ACSF3: variants seen among roughly 807,000 people sequenced by gnomAD.
ACSF3 encodes the protein malonate--CoA ligase ACSF3, mitochondrial.
ACSF3 carries 78 observed loss-of-function variants against 53.2 expected under a neutral mutation model. The ratio of observed to expected loss-of-function variants is 1.47; its 90% confidence interval spans 1.22 to 1.77. The LOEUF (loss-of-function observed/expected upper bound fraction) is 1.77, where lower values mean the gene tolerates loss of function less well. ACSF3 is among the 40% of genes most tolerant of loss of function. ACSF3 has a pLI of 0.00. For synonymous variants in ACSF3, 414 were observed against 333.1 expected, an observed-to-expected ratio of 1.24 and a Z score of -2.65; for missense variants, 937 against 771.1, an observed-to-expected ratio of 1.22 and a Z score of -2.55.
chr16:89,114,201 G>A lies in ACSF3; in HGVS notation c.978-138G>A, dbSNP rs1449376168. The A allele has an allele frequency of 1.2e-5, 14 of 1,167,858 alleles. No individual in the cohort carries two copies. In the African/African-American group the frequency reaches 1.2e-4, roughly 10 times the overall value. The allele number at this position is 1,167,858 out of a possible 1,614,324, so 72.3% of individuals were successfully genotyped here. ...TGTCGCACAGTGGTGCTGTACCCAC[G>A]GCCTGGGGCTCCTGCACTCGTGAAG... On this transcript the variant is annotated intron_variant, in intron 5 of 10. Coordinates refer to ENST00000614302, the MANE Select transcript of ACSF3 (RefSeq NM_001243279.3).
chr16:89,112,587 C>A (rs534700000), intron 5 of ACSF3, among the ~76,000 whole-genome samples: 1 of 151,984 alleles, frequency 6.6e-6, no homozygotes, highest in Non-Finnish European at 1.5e-5. Flanking sequence ...TCTTGTCAGA[C>A]TCTCCATCTC....
chr16:89,124,555 ATG>A (rs1382301158), intron 7 of ACSF3, among the ~76,000 whole-genome samples: 1 of 80,722 alleles, frequency 1.2e-5, no homozygotes, highest in Non-Finnish European at 3.3e-5. Context: ...CACTGTATGT[ATG>A]TGTGTGAGAT....
chr16:89,146,648 C>T (rs1913017279), intron 10 of ACSF3, among the ~76,000 whole-genome samples: 1 of 152,240 alleles, frequency 6.6e-6, no homozygotes, highest in South Asian at 2.1e-4. Context: ...ATTTCACTTT[C>T]CCCTCCATGT....
At position 89,145,979 on chromosome 16, in the gene ACSF3, C is replaced by T. The variant is rs563580010; in HGVS notation, c.1543C>T (p.Arg515Trp). The T allele has an allele frequency of 4.8e-5, 67 of 1,407,890 alleles. No individual in the cohort carries two copies. Among genetic ancestry groups the T allele is most frequent in the African/African-American group, 7.4e-5 (5 of 67,682 alleles). 87.2% of individuals were successfully genotyped at this position (1,407,890 alleles called of 1,614,324 possible). ...IGVPDMTWGQ[R>W]VTAVVTLREG... is the part of the protein sequence containing the mutation. ...AGTTCCGGATATGACATGGGGCCAG[C>T]GGGTCACTGCTGTGGTGACCCTCCG... Residue 515 changes from arginine (R) to tryptophan (W), a missense_variant, in exon 10 of 11, where the codon CGG (arginine) becomes TGG (tryptophan). Coordinates refer to ENST00000614302, the MANE Select transcript of ACSF3 (RefSeq NM_001243279.3).
rs773650798 is a variant in ACSF3, at chr16:89,109,229, C to CA, written c.823-2842dup. On this transcript the variant is annotated intron_variant, in intron 4 of 10. Transcript: ENST00000614302. The stretch of plus-strand genomic sequence containing the variant: ...CCTGGGCAACAGAGCAAGACTGTCT[C>CA]AAAAAAAAAAAAAAAAAAAAAGAAA... Among the ~76,000 whole-genome samples the CA allele has an allele frequency of 7.5e-3, 513 of 68,144 alleles. 5 individuals carry two copies. The highest frequency in any genetic ancestry group is 9.8e-3 in the East Asian group (27 of 2,762). The allele number at this position is 68,144 out of a possible 152,430, so 44.7% of individuals were successfully genotyped here.
At chr16:89,145,837 G>T (rs1912830902) in intron 9 of ACSF3, 101 bp from the exon 10 acceptor site, 1 of 1,024,136 alleles carries the variant, frequency 9.8e-7, no homozygotes, top group Non-Finnish European at 1.6e-6. Context: ...GGGCTCCAGG[G>T]CTGCGGCCAG....
intron 4 of ACSF3, among the ~76,000 whole-genome samples, chr16:89,105,668 G>T (rs1975883307): frequency 6.6e-6 from 1 of 152,220 alleles, no homozygotes; most frequent in Non-Finnish European, 1.5e-5. Flanking sequence ...CTGAACCTCT[G>T]TTGGGGGCTG....
chr16:89,096,391 G>A (rs781029194), intron 1 of ACSF3, among the ~76,000 whole-genome samples: 4 of 152,180 alleles, frequency 2.6e-5, no homozygotes, highest in African/African-American at 4.8e-5. Flanking sequence ...CCTCTGGACC[G>A]GGAGGTGTGC....
At chr16:89,094,749 GC>G (rs1974412977) in intron 1 of ACSF3, among the ~76,000 whole-genome samples, 1 of 152,118 alleles carries the variant, frequency 6.6e-6, no homozygotes, top group African/African-American at 2.4e-5. Flanking sequence ...GTAAAAATTA[GC>G]TGGGTGTGGT....
intron 8 of ACSF3, among the ~76,000 whole-genome samples, chr16:89,135,210 A>G (rs1033080591): frequency 2.0e-5 from 3 of 152,134 alleles, no homozygotes; most frequent in African/African-American, 7.2e-5. Flanking sequence ...TCAGAAACGC[A>G]TCTGCCCCAT....
chr16:89,133,006 C>A, intron 7 of ACSF3, 130 bp from the exon 8 acceptor site: 1 of 1,329,742 alleles, frequency 7.5e-7, no homozygotes, highest in Non-Finnish European at 1.1e-6. Context: ...TCCAACAAAG[C>A]GCTCAGTTTC....
At position 89,112,614 on chromosome 16, in the gene ACSF3, C is replaced by G. The variant is rs780389462; in HGVS notation, c.977+368C>G. Among the ~76,000 whole-genome samples the G allele has an allele frequency of 5.9e-5, 9 of 152,102 alleles. No homozygotes were observed. In the South Asian group the frequency reaches 8.3e-4, roughly 14 times the overall value. ...CTCCATCTCTGTCTTCTCTCTGTCT[C>G]TCTCCATCGCTCTTCATCTGTCTCT... On this transcript the variant is annotated intron_variant, in intron 5 of 10. Coordinates refer to ENST00000614302, the MANE Select transcript of ACSF3 (RefSeq NM_001243279.3).
chr16:89,146,861 C>G (rs996400581), intron 10 of ACSF3, among the ~76,000 whole-genome samples: 1 of 152,222 alleles, frequency 6.6e-6, no homozygotes, highest in Non-Finnish European at 1.5e-5. Context: ...AGGGCTGAAC[C>G]TGAGCTATGG....
intron 2 of ACSF3, 98 bp from the exon 3 acceptor site, chr16:89,100,564 T>C: frequency 8.2e-7 from 1 of 1,225,970 alleles, no homozygotes. Flanking sequence ...GCAGCAGGCG[T>C]ACCTGGCTGG....
chr16:89,108,026 C>T (rs539893444), intron 4 of ACSF3, among the ~76,000 whole-genome samples: 4 of 152,236 alleles, frequency 2.6e-5, no homozygotes, highest in African/African-American at 4.8e-5. Flanking sequence ...ATGGCGGTGG[C>T]AAGAGAAAAT....
At chr16:89,127,492 G>A (rs1322413748) in intron 7 of ACSF3, among the ~76,000 whole-genome samples, 1 of 152,118 alleles carries the variant, frequency 6.6e-6, no homozygotes, top group Admixed American at 6.5e-5. Flanking sequence ...CTCCCAAGTA[G>A]CTGGGACCAC....
chr16:89,110,231 A>T (rs1976527815), intron 4 of ACSF3, among the ~76,000 whole-genome samples: 1 of 152,224 alleles, frequency 6.6e-6, no homozygotes, highest in Non-Finnish European at 1.5e-5. Flanking sequence ...ACCACAGGTC[A>T]TGTCATGAAG....
rs1323531141 is a variant in ACSF3 at position 89,151,461 on chromosome 16, T to C, written c.1614-2629T>C. ...GAAAACGAGAGGACAGTGTTCCCAATGGGCAGACACACAAAATCCTAAACA... is the reference window on the plus strand; with the variant it reads ...GAAAACGAGAGGACAGTGTTCCCAACGGGCAGACACACAAAATCCTAAACA... On this transcript the variant is annotated intron_variant, in intron 10 of 10. Transcript: ENST00000614302. 3.6e-5 allele frequency: 11 copies of C among 307,936 alleles called. No homozygotes were observed. In the East Asian group the frequency reaches 8.6e-4, roughly 24 times the overall value. The allele number at this position is 307,936 out of a possible 1,614,324, so 19.1% of individuals were successfully genotyped here.
intron 4 of ACSF3, among the ~76,000 whole-genome samples, chr16:89,104,449 C>T (rs1328022080): frequency 6.6e-6 from 1 of 152,190 alleles, no homozygotes; most frequent in Non-Finnish European, 1.5e-5. Flanking sequence ...CCACACTCAC[C>T]GCTCTTGCCA....
Sources: gnomAD v4.1 joint callset for allele counts (sites outside exome capture counted in the v4.1 genomes callset) on GRCh38, gnomAD v4.1.1 for gene constraint, MANE v1.5 for transcripts, NCBI Gene and HGNC (gene_info 2026-07-23, HGNC 2026-07-21) for gene names.